ZDHHC15: variants seen among roughly 807,000 people sequenced by gnomAD.
ZDHHC15 encodes palmitoyltransferase ZDHHC15.
Under a neutral mutation model 31.7 loss-of-function variants are expected in ZDHHC15, and 19 were observed. That is an observed-to-expected ratio of 0.60 (90% CI 0.42 to 0.88). ZDHHC15 has a LOEUF of 0.88. Ranked by LOEUF, ZDHHC15 falls within the 40% of genes least tolerant of loss-of-function variation. The pLI, the probability that ZDHHC15 is intolerant of heterozygous loss-of-function variation, is 0.00. For synonymous variants in ZDHHC15, 103 were observed against 90.0 expected, an observed-to-expected ratio of 1.14 and a Z score of -0.82; for missense variants, 209 against 251.2, an observed-to-expected ratio of 0.83 and a Z score of 1.14.
At chrX:75,497,446 G>C (rs1331471776) in intron 2 of ZDHHC15, among the ~76,000 whole-genome samples, 1 of 111,539 alleles carries the variant, frequency 9.0e-6, no homozygotes, top group African/African-American at 3.3e-5. Flanking sequence ...CCAAAAGACA[G>C]AGACAAAGGG....
intron 10 of ZDHHC15, among the ~76,000 whole-genome samples, chrX:75,395,300 A>G (rs779610797): frequency 3.6e-5 from 4 of 111,846 alleles, no homozygotes; most frequent in Admixed American, 2.8e-4. Flanking sequence ...TTATATTTGA[A>G]AAAACATAAA....
chrX:75,497,543 C>T (rs1447728141), intron 2 of ZDHHC15, among the ~76,000 whole-genome samples: 1 of 111,134 alleles, frequency 9.0e-6, no homozygotes, highest in African/African-American at 3.3e-5. Context: ...AACTACAGAC[C>T]AATATCCCTG....
intron 7 of ZDHHC15, among the ~76,000 whole-genome samples, chrX:75,425,320 G>T (rs2083699716): frequency 9.0e-6 from 1 of 111,539 alleles, no homozygotes; most frequent in South Asian, 3.7e-4. Flanking sequence ...ATTTTGTGTG[G>T]TTGTTTTTTA....
At chrX:75,409,604 G>A (rs1175138608) in intron 10 of ZDHHC15, among the ~76,000 whole-genome samples, 1 of 105,464 alleles carries the variant, frequency 9.5e-6, no homozygotes, top group Non-Finnish European at 1.9e-5. Flanking sequence ...AGACCATCCT[G>A]GCTAACACGG....
chrX:75,495,940 A>T (rs993249257), intron 2 of ZDHHC15, among the ~76,000 whole-genome samples: 4 of 110,544 alleles, frequency 3.6e-5, no homozygotes, highest in Admixed American at 9.7e-5. Flanking sequence ...ATTAAAAAAA[A>T]AAAAAGAAAA....
chrX:75,509,827 T>C (rs2085232765), intron 1 of ZDHHC15, among the ~76,000 whole-genome samples: 1 of 112,604 alleles, frequency 8.9e-6, no homozygotes, highest in African/African-American at 3.2e-5. Context: ...CAAAAATAAA[T>C]TGTTTAGTGA....
chrX:75,381,465 A>T (rs1193271079), intron 10 of ZDHHC15, among the ~76,000 whole-genome samples: 1 of 111,174 alleles, frequency 9.0e-6, no homozygotes, highest in Non-Finnish European at 1.9e-5. Flanking sequence ...TGTTACTACC[A>T]CTCATGAATC....
At chrX:75,493,468 A>G (rs1326702255) in intron 2 of ZDHHC15, among the ~76,000 whole-genome samples, 1 of 111,722 alleles carries the variant, frequency 9.0e-6, no homozygotes, top group Non-Finnish European at 1.9e-5. Context: ...AGCCTGGCAG[A>G]GACACAACAA....
At chrX:75,386,932 G>A (rs1490741998) in intron 10 of ZDHHC15, among the ~76,000 whole-genome samples, 1 of 112,014 alleles carries the variant, frequency 8.9e-6, no homozygotes, top group Non-Finnish European at 1.9e-5. Flanking sequence ...GAAGAGCTCA[G>A]TGAGGAGAGA....
intron 2 of ZDHHC15, among the ~76,000 whole-genome samples, chrX:75,493,205 C>G (rs923299382): frequency 3.6e-5 from 4 of 111,775 alleles, no homozygotes; most frequent in Non-Finnish European, 5.6e-5. Context: ...AATTCCTCGA[C>G]ACATACATCC....
intron 1 of ZDHHC15, among the ~76,000 whole-genome samples, chrX:75,508,445 G>T (rs2085204382): frequency 9.3e-6 from 1 of 107,449 alleles, no homozygotes; most frequent in Non-Finnish European, 1.9e-5. Context: ...ATGGTTTCCA[G>T]CTTCATCCAT....
intron 10 of ZDHHC15, among the ~76,000 whole-genome samples, chrX:75,412,347 C>T (rs974117858): frequency 1.8e-5 from 2 of 111,573 alleles, no homozygotes; most frequent in African/African-American, 3.3e-5. Flanking sequence ...AATTATTCAC[C>T]GTAACTAAGC....
rs1213645634 is a variant in ZDHHC15, at chrX:75,424,793, G to T, written c.604-9C>A. 2 of 1,174,640 alleles carry T rather than the reference G, an allele frequency of 1.7e-6. No homozygotes were observed. Among genetic ancestry groups the T allele is most frequent in the South Asian group, 2.0e-5 (1 of 49,595 alleles). On this transcript the variant is annotated splice_polypyrimidine_tract_variant and intron_variant, in intron 7 of 11. Coordinates refer to ENST00000373367, the MANE Select transcript of ZDHHC15 (RefSeq NM_144969.3). ...ACACTGGGTAATTCCCCCTAGAAAA[G>T]AAATAATAAACAAGCAAAAGATTAA...
chrX:75,434,076 C>T (rs1057345750), intron 4 of ZDHHC15, among the ~76,000 whole-genome samples: 2 of 111,798 alleles, frequency 1.8e-5, no homozygotes, highest in Non-Finnish European at 3.8e-5. Flanking sequence ...TTTTGACTTG[C>T]ATTTCCCTGA....
intron 10 of ZDHHC15, among the ~76,000 whole-genome samples, chrX:75,383,977 C>T (rs1441708224): frequency 2.7e-5 from 3 of 109,201 alleles, no homozygotes; most frequent in Non-Finnish European, 3.8e-5. Context: ...CTCCTGGCCT[C>T]GTGATCTGCC....
chrX:75,379,062 CA>C (rs1182716397), intron 11 of ZDHHC15, 57 bp downstream of exon 11: 1 of 977,947 alleles, frequency 1.0e-6, no homozygotes, highest in Non-Finnish European at 1.4e-6. Flanking sequence ...GTTCTTCTCC[CA>C]AGCCGCCTTC....
intron 10 of ZDHHC15, among the ~76,000 whole-genome samples, chrX:75,407,504 G>T (rs1311392033): frequency 1.8e-5 from 2 of 108,504 alleles, no homozygotes; most frequent in African/African-American, 6.7e-5. Context: ...GGAGGGAGGT[G>T]GGGGGCAGCC....
In ZDHHC15 at chrX:75,400,850, T is replaced by G. The variant is rs149110835; in HGVS notation, c.967+16237A>C. 2.9e-3 allele frequency among the ~76,000 whole-genome samples: 324 copies of G among 111,370 alleles called. 1 individual carries two copies. The highest frequency in any genetic ancestry group is 9.6e-3 in the African/African-American group (295 of 30,691). ...ATTCAACACTTATAAAGAAAAAAAC[T>G]TCAACCAAAAATTTCATATCCAGCC... On this transcript the variant is annotated intron_variant, in intron 10 of 11. Transcript: ENST00000373367.
intron 3 of ZDHHC15, among the ~76,000 whole-genome samples, chrX:75,472,430 C>T (rs1438174447): frequency 1.8e-5 from 2 of 111,944 alleles, no homozygotes; most frequent in East Asian, 5.6e-4. Flanking sequence ...AAGAAATGGC[C>T]AGATGTGCAA....
Sources: allele counts gnomAD v4.1 joint callset (sites outside exome capture counted in the v4.1 genomes callset), GRCh38; gene constraint gnomAD v4.1.1; transcripts MANE v1.5; gene names NCBI Gene and HGNC (gene_info 2026-07-23, HGNC 2026-07-21).